The following CORO2B variants were observed in gnomAD, a reference collection of about 807,000 sequenced individuals.
CORO2B encodes coronin 2B.
Under a neutral mutation model 58.8 loss-of-function variants are expected in CORO2B, and 26 were observed. The ratio of observed to expected loss-of-function variants is 0.44; its 90% confidence interval spans 0.32 to 0.61. The LOEUF (loss-of-function observed/expected upper bound fraction) is 0.61, where lower values mean the gene tolerates loss of function less well. Ranked by LOEUF, CORO2B falls within the 20% of genes least tolerant of loss-of-function variation. The pLI is 0.04. For missense variants in CORO2B, 460 were observed against 645.1 expected (o/e 0.71, Z 3.11); for synonymous variants, 242 against 253.8 (o/e 0.95, Z 0.44).
the CORO2B span, among the ~76,000 whole-genome samples, chr15:68,566,741 G>T: frequency 6.6e-6 from 1 of 152,182 alleles, no homozygotes; most frequent in African/African-American, 2.4e-5. Context: ...GGATGGGGAG[G>T]GAGCCTGTAT....
chr15:68,719,111 C>T (rs756299590), intron 9 of CORO2B, 33 bp from the exon 10 acceptor site: 3 of 1,536,446 alleles, frequency 2.0e-6, no homozygotes, highest in Non-Finnish European at 2.7e-6. Context: ...AGCAGCCCCC[C>T]ATGTGTCCTC....
At chr15:68,667,133 T>C (rs551798352) in intron 2 of CORO2B, among the ~76,000 whole-genome samples, 7 of 152,150 alleles carry the variant, frequency 4.6e-5, no homozygotes, top group African/African-American at 1.7e-4. Flanking sequence ...AAGGCCTCCC[T>C]TTCTGGATGA....
chr15:68,631,130 T>G (rs1002824700), intron 1 of CORO2B, among the ~76,000 whole-genome samples: 2 of 152,152 alleles, frequency 1.3e-5, no homozygotes, highest in Admixed American at 1.3e-4. Flanking sequence ...GCCTCCCTTC[T>G]CCAGGAGCTT....
chr15:68,633,844 G>A (rs952811963), intron 1 of CORO2B, among the ~76,000 whole-genome samples: 12 of 152,178 alleles, frequency 7.9e-5, no homozygotes, highest in Non-Finnish European at 1.2e-4. Flanking sequence ...TTGGGAAGGG[G>A]AAGGCCCATC....
At chr15:68,591,196 A>G (rs1286147355) in intron 1 of CORO2B, among the ~76,000 whole-genome samples, 1 of 152,214 alleles carries the variant, frequency 6.6e-6, no homozygotes, top group Non-Finnish European at 1.5e-5. Flanking sequence ...CTGTGAAACT[A>G]TGAGAGACGT....
chr15:68,579,492 G>A (rs1162566275), intron 1 of CORO2B, among the ~76,000 whole-genome samples: 1 of 152,022 alleles, frequency 6.6e-6, no homozygotes, highest in Non-Finnish European at 1.5e-5. Context: ...AGCCCCGGCG[G>A]TTTGGCCAAC....
At chr15:68,580,209 C>T (rs1899391889) in intron 1 of CORO2B, among the ~76,000 whole-genome samples, 1 of 152,216 alleles carries the variant, frequency 6.6e-6, no homozygotes, top group East Asian at 1.9e-4. Flanking sequence ...TGTGAACCCA[C>T]ACTCTTCAGA....
At chr15:68,654,121 G>C (rs1031336539) in intron 2 of CORO2B, among the ~76,000 whole-genome samples, 1 of 152,234 alleles carries the variant, frequency 6.6e-6, no homozygotes, top group African/African-American at 2.4e-5. Flanking sequence ...TTTGTCTGAG[G>C]CTCGAGATTG....
chr15:68,599,517 G>A (rs1265822277), intron 1 of CORO2B, among the ~76,000 whole-genome samples: 1 of 152,234 alleles, frequency 6.6e-6, no homozygotes, highest in African/African-American at 2.4e-5. Context: ...ATTCATCAGA[G>A]GGAGCAGAAT....
rs551698656 is a variant in CORO2B at position 68,629,621 on chromosome 15, C to T, written c.16-15539C>T. 6.6e-5 allele frequency among the ~76,000 whole-genome samples: 10 copies of T among 152,326 alleles called. No homozygotes were observed. In the South Asian group the frequency reaches 2.1e-3, roughly 32 times the overall value. On this transcript the variant is annotated intron_variant, in intron 1 of 11. Transcript: ENST00000261861. ...ACGATGTGCAGGGAAAGGCTATGCA[C>T]TGAGCAGCTCCCAGGCCTTCTGAAT...
intron 2 of CORO2B, among the ~76,000 whole-genome samples, chr15:68,678,661 G>A (rs979550651): frequency 6.6e-6 from 1 of 152,068 alleles, no homozygotes; most frequent in Non-Finnish European, 1.5e-5. Context: ...GCAAAAGAGC[G>A]AGACTCCACT....
At chr15:68,569,579 G>A in the CORO2B span, among the ~76,000 whole-genome samples, 1 of 152,198 alleles carries the variant, frequency 6.6e-6, no homozygotes, top group East Asian at 1.9e-4. Context: ...TGGCAATTCT[G>A]AACAAAGCTA....
chr15:68,564,233 T>G, the CORO2B span, among the ~76,000 whole-genome samples: 2 of 152,220 alleles, frequency 1.3e-5, no homozygotes, highest in East Asian at 3.8e-4. Context: ...ATTCCAATTA[T>G]GCAGTGGGCT....
At chr15:68,663,465 AAC>A (rs1902078935) in intron 2 of CORO2B, among the ~76,000 whole-genome samples, 1 of 152,192 alleles carries the variant, frequency 6.6e-6, no homozygotes, top group African/African-American at 2.4e-5. Context: ...TCTTCCAGGA[AAC>A]ACACACACAT....
intron 2 of CORO2B, among the ~76,000 whole-genome samples, chr15:68,691,810 CCAGTGTATCGCCCGTGG>C (rs1892385837): frequency 6.6e-6 from 1 of 152,092 alleles, no homozygotes; most frequent in Non-Finnish European, 1.5e-5. Flanking sequence ...ACCTGCCCCT[CCAGTGTATCGCCCGTGG>C]GCTGCTGGCT....
chr15:68,687,866 C>T (rs1358201338), intron 2 of CORO2B, among the ~76,000 whole-genome samples: 1 of 152,216 alleles, frequency 6.6e-6, no homozygotes, highest in Non-Finnish European at 1.5e-5. Flanking sequence ...AACCCACTCC[C>T]AAGATAAAGA....
intron 1 of CORO2B, among the ~76,000 whole-genome samples, chr15:68,644,171 C>A (rs1901347836): frequency 6.6e-6 from 1 of 152,192 alleles, no homozygotes; most frequent in Non-Finnish European, 1.5e-5. Flanking sequence ...GTCACTCATG[C>A]AAAGTCCGCT....
intron 2 of CORO2B, among the ~76,000 whole-genome samples, chr15:68,680,392 G>T (rs373767771): frequency 3.9e-5 from 6 of 152,192 alleles, no homozygotes; most frequent in African/African-American, 1.4e-4. Flanking sequence ...ACAAACACCC[G>T]TGAAATAAAG....
chr15:68,569,240 A>G, the CORO2B span, among the ~76,000 whole-genome samples: 1 of 152,210 alleles, frequency 6.6e-6, no homozygotes, highest in African/African-American at 2.4e-5. Flanking sequence ...CCACCATCAC[A>G]GTATCACACA....
Sources: gnomAD v4.1 joint callset for allele counts (sites outside exome capture counted in the v4.1 genomes callset) on GRCh38, gnomAD v4.1.1 for gene constraint, MANE v1.5 for transcripts, NCBI Gene and HGNC (gene_info 2026-07-23, HGNC 2026-07-21) for gene names.